FIGNL2: variants seen among roughly 807,000 people sequenced by gnomAD.
FIGNL2 encodes the protein fidgetin-like protein 2.
For synonymous variants in FIGNL2, 565 were observed against 484.0 expected (o/e 1.17, Z -2.20); for missense variants, 1,060 against 950.2 (o/e 1.12, Z -1.52).
chr12:51,846,886 G>A, intron 1 of FIGNL2: 1 of 673,542 alleles, frequency 1.5e-6, no homozygotes, highest in Non-Finnish European at 1.8e-6. Context: ...GTCTGCCTTG[G>A]ATGCCAATGG....
Position 51,820,672 on chromosome 12 carries a change from C to T in FIGNL2, c.1742G>A (p.Arg581Gln). 6.6e-7 allele frequency: 1 copy of T among 1,513,598 alleles called. No homozygotes were observed. The highest frequency in any genetic ancestry group is 8.8e-7 in the Non-Finnish European group (1 of 1,138,532). 93.8% of individuals were successfully genotyped at this position (1,513,598 alleles called of 1,614,324 possible). A position where few individuals can be genotyped will look rare whatever the true frequency, so the allele number is the denominator to read the frequency against. Residue 581 changes from arginine (R) to glutamine (Q), a missense_variant, in exon 2 of 2, where the codon CGG (arginine) becomes CAG (glutamine). Transcript: ENST00000618634. ...GCCCTGCACCAGCGCCGCCAGTTCC[C>T]GCTCACTGAGCGCGCAGCCCTGCTG... The part of the protein sequence containing the change: ...LAQQGCALSE[R>Q]ELAALVQGTQ...
chr12:51,839,381 C>T (rs1939625907), intron 1 of FIGNL2, among the ~76,000 whole-genome samples: 2 of 152,180 alleles, frequency 1.3e-5, no homozygotes, highest in African/African-American at 4.8e-5. Flanking sequence ...ACTCATCTAG[C>T]TGGCCATGAA....
chr12:51,822,219 C>G lies in FIGNL2; in HGVS notation c.195G>C (p.Glu65Asp), dbSNP rs1298447889. ...TASNLLKRYA[E>D]KYSGVLDSPY... ...GAGAATCCAAGACCCCAGAGTACTT[C>G]TCTGCATAGCGCTTTAGGAGGTTGG... Residue 65 changes from glutamate to aspartate, a missense_variant, in exon 2 of 2, where the codon GAG (glutamate) becomes GAC (aspartate). Glu to Asp is a conservative substitution (Grantham distance 45). Coordinates refer to ENST00000618634, the MANE Select transcript of FIGNL2 (RefSeq NM_001384995.1). 1.9e-6 allele frequency: 3 copies of G among 1,611,666 alleles called. No individual in the cohort carries two copies. The highest frequency in any genetic ancestry group is 1.1e-5 in the South Asian group (1 of 90,546).
chr12:51,847,562 C>T, intron 1 of FIGNL2: 1 of 985,404 alleles, frequency 1.0e-6, no homozygotes, highest in Non-Finnish European at 1.2e-6. Flanking sequence ...TTTAACAGCC[C>T]ACCCACCCGT....
intron 1 of FIGNL2, among the ~76,000 whole-genome samples, chr12:51,830,147 G>A (rs913021739): frequency 3.9e-5 from 6 of 151,928 alleles, no homozygotes; most frequent in Non-Finnish European, 7.4e-5. Flanking sequence ...AAATTAGCCG[G>A]GTGTAGTGGC....
intron 1 of FIGNL2, chr12:51,845,777 G>T (rs80033928): frequency 7.7e-6 from 4 of 516,732 alleles, no homozygotes; most frequent in South Asian, 1.7e-4. Context: ...TCGGAGCTTG[G>T]GGGGAGAGTC....
chr12:51,820,117 GAGGAGACAAA>G lies in FIGNL2; in HGVS notation c.*325_*334del, dbSNP rs1660792866. On this transcript the variant is annotated 3_prime_UTR_variant, in exon 2 of 2. Transcript: ENST00000618634. ...AGAAGGAGGGTGCCATTCAGATAGC[GAGGAGACAAA>G]AGCGTTGTGGCAAGAGAGCAGGAGT... is the stretch of plus-strand genomic sequence containing the variant. 3.0e-6 allele frequency: 1 copy of G among 328,812 alleles called. No homozygotes were observed. The highest frequency in any genetic ancestry group is 9.4e-4 in the Middle Eastern group (1 of 1,066). 20.4% of individuals were successfully genotyped at this position (328,812 alleles called of 1,614,324 possible).
At chr12:51,836,490 G>T (rs1939581159) in intron 1 of FIGNL2, among the ~76,000 whole-genome samples, 1 of 152,134 alleles carries the variant, frequency 6.6e-6, no homozygotes, top group Non-Finnish European at 1.5e-5. Context: ...GTCCCCCGAG[G>T]CCTGGCCAGT....
chr12:51,828,123 G>A (rs150367766), intron 1 of FIGNL2, among the ~76,000 whole-genome samples: 130 of 152,262 alleles, frequency 8.5e-4, no homozygotes, highest in African/African-American at 2.8e-3. Flanking sequence ...CTCTGCCCCC[G>A]AGTGCTGTGT....
At position 51,821,600 on chromosome 12, in the gene FIGNL2, C is replaced by A. The variant is rs1306664371; in HGVS notation, c.814G>T (p.Glu272Ter). ...TTGCGGTAGCGGCCCTCGGGCCCCT[C>A]GTCGGCGGCCTTGCGCTTCAGCGAC... ...GLSLKRKAADEGPEGRYRKYA... is the reference protein window; with the variant it reads ...GLSLKRKAAD The change falls in exon 2 of 2, where the codon GAG (glutamate) becomes TAG (stop). Residue 272 changes from glutamate (E) to a stop codon, truncating the protein, a stop_gained. Transcript: ENST00000618634. LOFTEE classifies it low-confidence loss of function (END_TRUNC). The A allele has an allele frequency of 6.6e-7, 1 of 1,506,046 alleles. No homozygotes were observed. The highest frequency in any genetic ancestry group is 8.8e-7 in the Non-Finnish European group (1 of 1,133,388). 93.3% of individuals were successfully genotyped at this position (1,506,046 alleles called of 1,614,324 possible).
At chr12:51,822,650 G>A (rs1939249340) in intron 1 of FIGNL2, among the ~76,000 whole-genome samples, 1 of 152,170 alleles carries the variant, frequency 6.6e-6, no homozygotes, top group Admixed American at 6.5e-5. Context: ...GCGCCCAAAG[G>A]GGTCTGGAAA....
rs550315802 is a variant in FIGNL2, at chr12:51,847,862, G to A, written c.-12+678C>T. Reference sequence around the variant, plus strand: ...CCCTCTCTGGAGAGCTGGGCGCTCCGGGGGTCCCCCTTGTTGCCTGTAGCC... The same window carrying A: ...CCCTCTCTGGAGAGCTGGGCGCTCCAGGGGTCCCCCTTGTTGCCTGTAGCC... On this transcript the variant is annotated intron_variant, in intron 1 of 1. Coordinates refer to ENST00000618634, the MANE Select transcript of FIGNL2 (RefSeq NM_001384995.1). 1.1e-4 allele frequency: 109 copies of A among 978,976 alleles called. 1 individual carries two copies. The South Asian group carries it at 2.5e-3, about 22-fold the overall frequency. 60.6% of individuals were successfully genotyped at this position (978,976 alleles called of 1,614,324 possible).
chr12:51,847,002 G>A (rs1358317902), intron 1 of FIGNL2: 1 of 972,850 alleles, frequency 1.0e-6, no homozygotes, highest in Non-Finnish European at 1.2e-6. Context: ...CCCTTTCCTC[G>A]CCCACCCCAG....
chr12:51,822,414 C>T lies in FIGNL2; in HGVS notation c.-1G>A, dbSNP rs781299468. 1.9e-6 allele frequency: 3 copies of T among 1,613,500 alleles called. No individual in the cohort carries two copies. The South Asian group carries it at 3.3e-5, about 18-fold the overall frequency. On this transcript the variant is annotated 5_prime_UTR_variant, in exon 2 of 2. Coordinates refer to ENST00000618634, the MANE Select transcript of FIGNL2 (RefSeq NM_001384995.1). ...GGGCGTGTTCTGGTGTCCAGTGCAT[C>T]TTCAACAGAGCTGCGGGCAAGAGAC... is the stretch of plus-strand genomic sequence containing the variant.
intron 1 of FIGNL2, among the ~76,000 whole-genome samples, chr12:51,830,254 A>T (rs1231230836): frequency 1.3e-5 from 2 of 150,454 alleles, no homozygotes; most frequent in African/African-American, 4.9e-5. Flanking sequence ...GCGCCACTGC[A>T]CTCCAGCCTG....
At chr12:51,824,673 C>A (rs1220043136) in intron 1 of FIGNL2, among the ~76,000 whole-genome samples, 1 of 152,174 alleles carries the variant, frequency 6.6e-6, no homozygotes, top group Non-Finnish European at 1.5e-5. Context: ...AGAGGCATTA[C>A]CTGGTGTGAA....
Position 51,820,348 on chromosome 12 carries a change from A to T in FIGNL2, c.*104T>A. Reference sequence around the variant, plus strand: ...CCCTCCTGTCCCCGATCCCACATTCACCACTCCAGCCCCTGCCAGCCGGGT... The same window carrying T: ...CCCTCCTGTCCCCGATCCCACATTCTCCACTCCAGCCCCTGCCAGCCGGGT... On this transcript the variant is annotated 3_prime_UTR_variant, in exon 2 of 2. Coordinates refer to ENST00000618634, the MANE Select transcript of FIGNL2 (RefSeq NM_001384995.1). 1 of 1,424,868 alleles carries T rather than the reference A, an allele frequency of 7.0e-7. No homozygotes were observed. Among genetic ancestry groups the T allele is most frequent in the Non-Finnish European group, 9.3e-7 (1 of 1,075,614 alleles). 88.3% of individuals were successfully genotyped at this position (1,424,868 alleles called of 1,614,324 possible).
rs1235811933 is a variant in FIGNL2 at position 51,821,653 on chromosome 12, G to T, written c.761C>A (p.Thr254Lys). 1.4e-6 allele frequency: 2 copies of T among 1,467,302 alleles called. No homozygotes were observed. Among genetic ancestry groups the T allele is most frequent in the Non-Finnish European group, 1.8e-6 (2 of 1,115,960 alleles). The allele number at this position is 1,467,302 out of a possible 1,614,324, so 90.9% of individuals were successfully genotyped here. A position where few individuals can be genotyped will look rare whatever the true frequency, so the allele number is the denominator to read the frequency against. The stretch of plus-strand genomic sequence containing the variant: ...CCCGGATTCGGCACCCGGCGCGGCC[G>T]TGGGGAAGCCATAGGCGGTGGGCGG... ...PAPPTAYGFP[T>K]AAPGAESGLS... Residue 254 changes from threonine to lysine, a missense_variant, in exon 2 of 2, where the codon ACG (threonine) becomes AAG (lysine). Thr to Lys is a moderately conservative substitution (Grantham distance 78). Transcript: ENST00000618634.
At chr12:51,841,298 A>C (rs572620695) in intron 1 of FIGNL2, 1 of 152,468 alleles carries the variant, frequency 6.6e-6, no homozygotes, top group African/African-American at 2.4e-5. Flanking sequence ...GCCTGCTCCC[A>C]TATGGGATTC....
Sources: allele counts gnomAD v4.1 joint callset (sites outside exome capture counted in the v4.1 genomes callset), GRCh38; gene constraint gnomAD v4.1.1; transcripts MANE v1.5; gene names NCBI Gene and HGNC (gene_info 2026-07-23, HGNC 2026-07-21).